Variants in ARMH3 observed in about 807,000 individuals in gnomAD.
ARMH3 encodes armadillo-like helical domain-containing protein 3.
Under a neutral mutation model 99.1 loss-of-function variants are expected in ARMH3, and 60 were observed. The ratio of observed to expected loss-of-function variants is 0.61; its 90% CI spans 0.49 to 0.75. The LOEUF (loss-of-function observed/expected upper bound fraction) is 0.75. ARMH3 is among the 30% of genes least tolerant of loss of function. ARMH3 has a pLI of 0.00. For synonymous variants in ARMH3, 285 were observed against 292.8 expected (o/e 0.97, Z 0.27); for missense variants, 679 against 843.1 (o/e 0.81, Z 2.41).
chr10:101,940,041 C>G (rs1844168856), intron 22 of ARMH3, 103 bp from the exon 23 acceptor site: 1 of 835,676 alleles, frequency 1.2e-6, no homozygotes. Flanking sequence ...AATAACCAAA[C>G]AAAGCCTGCG....
chr10:101,865,959 G>A (rs887515679), intron 24 of ARMH3, among the ~76,000 whole-genome samples: 19 of 151,012 alleles, frequency 1.3e-4, no homozygotes, highest in Non-Finnish European at 1.6e-4. Context: ...GGTGGCTCAC[G>A]CCTGTAATCC....
chr10:101,932,700 T>C (rs1053770402), intron 23 of ARMH3, among the ~76,000 whole-genome samples: 1 of 152,210 alleles, frequency 6.6e-6, no homozygotes, highest in Non-Finnish European at 1.5e-5. Context: ...ATAAAGTTCC[T>C]AAAATAGTCA....
intron 8 of ARMH3, among the ~76,000 whole-genome samples, chr10:102,017,396 G>A (rs1182595653): frequency 2.6e-5 from 4 of 152,162 alleles, no homozygotes; most frequent in African/African-American, 7.2e-5. Context: ...CCAGAAATAT[G>A]ATTCTCTCCA....
intron 24 of ARMH3, among the ~76,000 whole-genome samples, chr10:101,852,897 T>G (rs2066638625): frequency 1.3e-5 from 2 of 151,832 alleles, no homozygotes; most frequent in Admixed American, 1.3e-4. Context: ...TTTTTTTTCT[T>G]TTTTTGAGAC....
chr10:101,907,038 A>G (rs1298197982), intron 23 of ARMH3, among the ~76,000 whole-genome samples: 1 of 152,182 alleles, frequency 6.6e-6, no homozygotes, highest in East Asian at 1.9e-4. Flanking sequence ...TTAAGATGGA[A>G]CAAGCAGGGA....
chr10:101,985,194 GTATA>G (rs139974452), intron 19 of ARMH3, among the ~76,000 whole-genome samples: 9,465 of 143,994 alleles, frequency 0.066, 321 homozygotes, highest in African/African-American at 0.073. Context: ...ATATATGTGT[GTATA>G]TATATACGTA....
chr10:101,850,942 A>G (rs1004377527), intron 24 of ARMH3, among the ~76,000 whole-genome samples: 1 of 152,160 alleles, frequency 6.6e-6, no homozygotes, highest in Non-Finnish European at 1.5e-5. Context: ...GACTTTGCCA[A>G]TGTCTCCTTC....
intron 22 of ARMH3, among the ~76,000 whole-genome samples, chr10:101,941,956 G>C (rs1844260378): frequency 6.6e-6 from 1 of 152,002 alleles, no homozygotes; most frequent in African/African-American, 2.4e-5. Context: ...TTATGAAATG[G>C]AGCTGAATTT....
intron 19 of ARMH3, among the ~76,000 whole-genome samples, chr10:101,978,408 G>A (rs1187806831): frequency 6.6e-6 from 1 of 152,160 alleles, no homozygotes; most frequent in East Asian, 1.9e-4. Context: ...AATAAAAATA[G>A]TACAACCACT....
chr10:101,928,161 A>G (rs188093967), intron 23 of ARMH3, among the ~76,000 whole-genome samples: 30 of 152,368 alleles, frequency 2.0e-4, no homozygotes, highest in Admixed American at 1.7e-3. Flanking sequence ...AGTTAAAGTA[A>G]GGTCACCAGA....
intron 8 of ARMH3, among the ~76,000 whole-genome samples, chr10:102,020,622 C>T (rs1224682619): frequency 1.3e-5 from 2 of 148,522 alleles, no homozygotes; most frequent in Non-Finnish European, 3.0e-5. Flanking sequence ...GGAGGCGGAG[C>T]TTGCAGTGAC....
intron 1 of ARMH3, among the ~76,000 whole-genome samples, chr10:102,049,861 C>A (rs2067652503): frequency 2.0e-5 from 3 of 152,008 alleles, no homozygotes; most frequent in African/African-American, 7.2e-5. Flanking sequence ...CCGGCCCCAA[C>A]CTATTTTTAC....
intron 2 of ARMH3, among the ~76,000 whole-genome samples, chr10:102,034,379 G>A (rs1266097922): frequency 6.6e-6 from 1 of 152,192 alleles, no homozygotes; most frequent in African/African-American, 2.4e-5. Flanking sequence ...GCCCATGCCT[G>A]TAATCCTAGC....
intron 14 of ARMH3, among the ~76,000 whole-genome samples, chr10:102,004,661 G>A (rs1185785512): frequency 6.6e-6 from 1 of 152,060 alleles, no homozygotes; most frequent in African/African-American, 2.4e-5. Flanking sequence ...TGATATCCAT[G>A]GTAACCAGGC....
At chr10:101,964,746 C>T (rs1024198868) in intron 20 of ARMH3, among the ~76,000 whole-genome samples, 1 of 151,680 alleles carries the variant, frequency 6.6e-6, no homozygotes, top group Non-Finnish European at 1.5e-5. Flanking sequence ...CACGGTGGCT[C>T]ACACCTGTAA....
At chr10:101,869,453 A>G (rs2067083961) in intron 24 of ARMH3, among the ~76,000 whole-genome samples, 1 of 152,234 alleles carries the variant, frequency 6.6e-6, no homozygotes, top group Admixed American at 6.5e-5. Flanking sequence ...AATTAGTAAC[A>G]AAAATATATC....
At chr10:101,927,566 A>G (rs1843557999) in intron 23 of ARMH3, among the ~76,000 whole-genome samples, 1 of 152,172 alleles carries the variant, frequency 6.6e-6, no homozygotes, top group Non-Finnish European at 1.5e-5. Context: ...CTCCATTATC[A>G]CTGTCTTAGT....
intron 15 of ARMH3, among the ~76,000 whole-genome samples, chr10:102,001,640 C>T (rs1038437468): frequency 6.6e-6 from 1 of 152,166 alleles, no homozygotes; most frequent in African/African-American, 2.4e-5. Flanking sequence ...AAGGGAATTC[C>T]CTGAAGCGTG....
intron 22 of ARMH3, among the ~76,000 whole-genome samples, chr10:101,951,565 T>C (rs1317263926): frequency 6.6e-6 from 1 of 151,844 alleles, no homozygotes; most frequent in Admixed American, 6.6e-5. Flanking sequence ...AGCAAGACAC[T>C]GTCTCCAAAA....
Sources: gnomAD v4.1 joint callset for allele counts (sites outside exome capture counted in the v4.1 genomes callset) on GRCh38, gnomAD v4.1.1 for gene constraint, MANE v1.5 for transcripts, NCBI Gene and HGNC (gene_info 2026-07-23, HGNC 2026-07-21) for gene names.